RPS6KA2: variants seen among roughly 807,000 people sequenced by gnomAD.
RPS6KA2 encodes ribosomal protein S6 kinase alpha-2.
In RPS6KA2, 42 loss-of-function variants were observed where a neutral mutation model predicts 91.8. The observed-to-expected ratio is 0.46, with a 90% confidence interval of 0.36 to 0.59. The LOEUF (loss-of-function observed/expected upper bound fraction) is 0.59. Among genes scored for constraint, RPS6KA2 ranks in the 20% least tolerant of loss-of-function variants. The probability of loss-of-function intolerance (pLI) is 0.00; values close to 1 mark genes in which losing one functional copy is unlikely to be tolerated. For missense variants in RPS6KA2, 798 were observed against 978.5 expected (o/e 0.82, Z 2.46); for synonymous variants, 414 against 393.6 (o/e 1.05, Z -0.61).
At chr6:166,540,899 T>C (rs892094580) in intron 1 of RPS6KA2, among the ~76,000 whole-genome samples, 1 of 152,174 alleles carries the variant, frequency 6.6e-6, no homozygotes, top group Non-Finnish European at 1.5e-5. Context: ...TTCAAAAAAA[T>C]TCATCATGGA....
chr6:166,751,331 G>A (rs1201453114), intron 2 of RPS6KA2, among the ~76,000 whole-genome samples: 3 of 152,260 alleles, frequency 2.0e-5, no homozygotes, highest in African/African-American at 7.2e-5. Flanking sequence ...GAGTTCCAGG[G>A]ACGGCAGCTG....
At chr6:166,729,603 A>G (rs984327176) in intron 2 of RPS6KA2, among the ~76,000 whole-genome samples, 2 of 152,126 alleles carry the variant, frequency 1.3e-5, no homozygotes, top group Non-Finnish European at 2.9e-5. Flanking sequence ...TGGCCTCCCA[A>G]ACTGTTGGGA....
chr6:166,703,278 A>T (rs980512200), intron 2 of RPS6KA2, among the ~76,000 whole-genome samples: 1 of 152,268 alleles, frequency 6.6e-6, no homozygotes, highest in Non-Finnish European at 1.5e-5. Context: ...CTATGGGAAC[A>T]GCTAGAAACA....
At chr6:166,443,313 A>C (rs1170720456) in intron 14 of RPS6KA2, among the ~76,000 whole-genome samples, 3 of 152,178 alleles carry the variant, frequency 2.0e-5, no homozygotes, top group Non-Finnish European at 4.4e-5. Context: ...CGTATCATGC[A>C]ATTCAACTTT....
chr6:166,633,910 C>T (rs1787156584), intron 2 of RPS6KA2, among the ~76,000 whole-genome samples: 1 of 152,008 alleles, frequency 6.6e-6, no homozygotes, highest in Non-Finnish European at 1.5e-5. Context: ...TGCAGCTGGC[C>T]CATGGGGAGG....
At chr6:166,795,893 T>G (rs555714670) in intron 2 of RPS6KA2, among the ~76,000 whole-genome samples, 1 of 152,364 alleles carries the variant, frequency 6.6e-6, no homozygotes, top group Admixed American at 6.5e-5. Context: ...GGCAGTGGGC[T>G]GAGTTGTGTC....
At chr6:166,729,975 T>C (rs1270888396) in intron 2 of RPS6KA2, among the ~76,000 whole-genome samples, 1 of 152,202 alleles carries the variant, frequency 6.6e-6, no homozygotes, top group Non-Finnish European at 1.5e-5. Context: ...TCCACCTTTT[T>C]TCGTAACTGG....
At chr6:166,655,584 A>T (rs762540942) in intron 2 of RPS6KA2, among the ~76,000 whole-genome samples, 3 of 152,228 alleles carry the variant, frequency 2.0e-5, no homozygotes, top group Non-Finnish European at 4.4e-5. Flanking sequence ...CGGGTAACTG[A>T]AGACCAGGCT....
At chr6:166,472,783 C>T (rs1238572332) in intron 10 of RPS6KA2, among the ~76,000 whole-genome samples, 7 of 152,136 alleles carry the variant, frequency 4.6e-5, no homozygotes, top group South Asian at 2.1e-4. Flanking sequence ...TGGCTCGCTA[C>T]GGGATGCGGA....
intron 1 of RPS6KA2, among the ~76,000 whole-genome samples, chr6:166,540,692 C>T (rs1783625955): frequency 6.6e-6 from 1 of 152,150 alleles, no homozygotes; most frequent in African/African-American, 2.4e-5. Context: ...ACAGCACAGG[C>T]TTACTAGAAT....
intron 2 of RPS6KA2, among the ~76,000 whole-genome samples, chr6:166,823,146 G>C (rs998026284): frequency 3.9e-5 from 6 of 152,192 alleles, no homozygotes; most frequent in Non-Finnish European, 7.3e-5. Flanking sequence ...AGGGGACCAT[G>C]TTCAAGGATG....
rs1347850200 is a variant in RPS6KA2, at chr6:166,732,197, C to T, written c.123+126003G>A. The stretch of plus-strand genomic sequence containing the variant: ...ATGTGCCAAAAACAGTAACATCAAC[C>T]TGGATGCTGGGAACCTGGCATCTGT... On this transcript the variant is annotated intron_variant, in intron 2 of 21. Coordinates refer to the RPS6KA2 transcript ENST00000503859. This position sits in a 1 kb window ranked among gnomAD's most constrained non-coding sequence, Gnocchi z 4.0. Among the ~76,000 whole-genome samples, 1 of 152,132 alleles carries T rather than the reference C, an allele frequency of 6.6e-6. No homozygotes were observed. The highest frequency in any genetic ancestry group is 1.5e-5 in the Non-Finnish European group (1 of 68,020).
intron 8 of RPS6KA2, among the ~76,000 whole-genome samples, chr6:166,498,141 C>T (rs1277252432): frequency 6.6e-6 from 1 of 152,240 alleles, no homozygotes; most frequent in East Asian, 1.9e-4. Flanking sequence ...ACTCCGTGTA[C>T]ATCTCAGTTT....
At chr6:166,421,590 C>G (rs776340418) in intron 17 of RPS6KA2, among the ~76,000 whole-genome samples, 5 of 152,206 alleles carry the variant, frequency 3.3e-5, no homozygotes, top group Non-Finnish European at 7.3e-5. Flanking sequence ...GACCCTAACC[C>G]TCTTCCTTTG....
chr6:166,734,854 C>A (rs1790631275), intron 2 of RPS6KA2, among the ~76,000 whole-genome samples: 1 of 152,206 alleles, frequency 6.6e-6, no homozygotes, highest in Admixed American at 6.5e-5. Flanking sequence ...AACATCCTCA[C>A]CTTTACCATG....
intron 15 of RPS6KA2, among the ~76,000 whole-genome samples, 189 bp downstream of exon 15, chr6:166,432,212 C>G (rs562104671): frequency 3.9e-5 from 6 of 152,112 alleles, no homozygotes; most frequent in Non-Finnish European, 7.4e-5. Context: ...ATGACTGGGG[C>G]GGTGGCTGTC....
intron 6 of RPS6KA2, among the ~76,000 whole-genome samples, chr6:166,501,544 C>A (rs998425731): frequency 2.6e-5 from 4 of 152,214 alleles, no homozygotes; most frequent in African/African-American, 9.7e-5. Flanking sequence ...CCCTGCCAAG[C>A]CCTTGTCACG....
intron 1 of RPS6KA2, among the ~76,000 whole-genome samples, chr6:166,581,197 G>A (rs1486271096): frequency 1.3e-5 from 2 of 152,228 alleles, no homozygotes; most frequent in Non-Finnish European, 2.9e-5. Context: ...GGCCAGGGCT[G>A]AGGAATTTAA....
At chr6:166,713,463 A>G (rs1789924469) in intron 2 of RPS6KA2, among the ~76,000 whole-genome samples, 1 of 152,244 alleles carries the variant, frequency 6.6e-6, no homozygotes, top group Non-Finnish European at 1.5e-5. Flanking sequence ...AGTGCACAAA[A>G]ATTATAGGAC....
Sources: allele counts gnomAD v4.1 joint callset (sites outside exome capture counted in the v4.1 genomes callset), GRCh38; gene constraint gnomAD v4.1.1; non-coding constraint Gnocchi (gnomAD v3.1); transcripts MANE v1.5; gene names NCBI Gene and HGNC (gene_info 2026-07-23, HGNC 2026-07-21).